The following SLC39A8 variants were observed in gnomAD, a reference collection of about 807,000 sequenced individuals.
The protein encoded by SLC39A8 is solute carrier family 39 member 8.
In SLC39A8, 15 loss-of-function variants were observed where a neutral mutation model predicts 40.4. The observed-to-expected ratio is 0.37, with a 90% CI of 0.25 to 0.57. The LOEUF (loss-of-function observed/expected upper bound fraction) is 0.57. Among genes scored for constraint, SLC39A8 ranks in the 20% least tolerant of loss-of-function variants. The pLI, the probability that SLC39A8 is intolerant of heterozygous loss-of-function variation, is 0.75. For missense variants in SLC39A8, 472 were observed against 558.8 expected, an observed-to-expected ratio of 0.84 and a Z score of 1.57; for synonymous variants, 223 against 221.6, an observed-to-expected ratio of 1.01 and a Z score of -0.06.
downstream of SLC39A8, among the ~76,000 whole-genome samples, chr4:102,259,893 A>G (rs534734843): frequency 1.7e-4 from 26 of 152,336 alleles, no homozygotes; most frequent in African/African-American, 5.8e-4. Flanking sequence ...CAGTAATCAG[A>G]AGAGCTTTAA....
intron 2 of SLC39A8, among the ~76,000 whole-genome samples, chr4:102,343,776 C>A (rs1367680653): frequency 6.6e-6 from 1 of 152,078 alleles, no homozygotes; most frequent in Admixed American, 6.5e-5. Flanking sequence ...CCTAGTAGTA[C>A]CCTGTTTATT....
At chr4:102,254,165 C>T (rs1237470682) in intron 11 of SLC39A8, among the ~76,000 whole-genome samples, 1 of 152,164 alleles carries the variant, frequency 6.6e-6, no homozygotes, top group Non-Finnish European at 1.5e-5. Flanking sequence ...ACTCCTCCTC[C>T]AACCTAAGGA....
intron 3 of SLC39A8, among the ~76,000 whole-genome samples, chr4:102,311,400 AAAG>A (rs1430063369): frequency 2.0e-5 from 3 of 152,124 alleles, no homozygotes; most frequent in African/African-American, 7.2e-5. Context: ...TACTCAGTGA[AAAG>A]AAGAACAAAC....
chr4:102,316,882 T>C (rs1245420680), intron 2 of SLC39A8, among the ~76,000 whole-genome samples: 1 of 152,118 alleles, frequency 6.6e-6, no homozygotes, highest in Non-Finnish European at 1.5e-5. Context: ...TCCAGTGGGA[T>C]TAGTGCACTT....
intron 6 of SLC39A8, among the ~76,000 whole-genome samples, chr4:102,287,157 C>T (rs375869297): frequency 2.7e-5 from 4 of 146,816 alleles, no homozygotes; most frequent in African/African-American, 1.1e-4. Context: ...ATTTATGTTC[C>T]TTTTTCAAGT....
intron 6 of SLC39A8, among the ~76,000 whole-genome samples, chr4:102,274,280 A>T (rs1352298835): frequency 6.6e-6 from 1 of 152,264 alleles, no homozygotes; most frequent in Non-Finnish European, 1.5e-5. Context: ...GTCGAAAAAC[A>T]CAGCACAAGA....
chr4:102,345,034 G>A, intron 1 of SLC39A8, 119 bp from the exon 2 acceptor site: 1 of 501,980 alleles, frequency 2.0e-6, no homozygotes, highest in Non-Finnish European at 2.7e-6. Context: ...GGGGCCAGAC[G>A]CCCCGGATCC....
chr4:102,314,388 C>T (rs1402860333), intron 3 of SLC39A8, among the ~76,000 whole-genome samples: 1 of 152,054 alleles, frequency 6.6e-6, no homozygotes, highest in African/African-American at 2.4e-5. Context: ...GCCCTTTTAA[C>T]AGATTTGAAT....
intron 11 of SLC39A8, among the ~76,000 whole-genome samples, chr4:102,253,589 C>A (rs1269448613): frequency 6.6e-6 from 1 of 151,998 alleles, no homozygotes; most frequent in Non-Finnish European, 1.5e-5. Flanking sequence ...AATTGGAAAG[C>A]ATTAAAAATA....
chr4:102,305,480 GA>G (rs1734128975), intron 4 of SLC39A8, among the ~76,000 whole-genome samples: 2 of 151,924 alleles, frequency 1.3e-5, no homozygotes, highest in South Asian at 4.1e-4. Flanking sequence ...GAAGATAAAT[GA>G]GATATTGATT....
At chr4:102,263,577 A>T (rs914241961) in intron 8 of SLC39A8, among the ~76,000 whole-genome samples, 1 of 152,170 alleles carries the variant, frequency 6.6e-6, no homozygotes, top group African/African-American at 2.4e-5. Flanking sequence ...GTTGCTAAAG[A>T]TGGGAGTGGC....
chr4:102,262,912 A>T lies in SLC39A8; in HGVS notation c.*132T>A. ...GACTATTTCACAGACTGATGCCAAT[A>T]ATTAGTTTTCTGGACCTACAGTTGA... On this transcript the variant is annotated 3_prime_UTR_variant, in exon 9 of 9. Transcript: ENST00000356736. 1 of 1,414,000 alleles carries T rather than the reference A, an allele frequency of 7.1e-7. No homozygotes were observed. The highest frequency in any genetic ancestry group is 9.2e-7 in the Non-Finnish European group (1 of 1,087,360). 87.6% of individuals were successfully genotyped at this position (1,414,000 alleles called of 1,614,324 possible).
chr4:102,263,294 C>T, intron 8 of SLC39A8, 101 bp from the exon 9 acceptor site: 1 of 991,334 alleles, frequency 1.0e-6, no homozygotes, highest in Non-Finnish European at 1.5e-6. Flanking sequence ...GGTTTGGTTC[C>T]AGACCAGTGT....
chr4:102,260,352 G>A (rs1731812995), downstream of SLC39A8, among the ~76,000 whole-genome samples: 1 of 152,208 alleles, frequency 6.6e-6, no homozygotes, highest in Admixed American at 6.5e-5. Context: ...AGCTTCTCCT[G>A]AAGATTGGTA....
chr4:102,275,996 G>A (rs1012277456), intron 6 of SLC39A8, among the ~76,000 whole-genome samples: 2 of 152,120 alleles, frequency 1.3e-5, no homozygotes, highest in Non-Finnish European at 2.9e-5. Context: ...GTGTTTAGAG[G>A]GAAACTTATA....
At chr4:102,326,356 T>G (rs978095816) in intron 2 of SLC39A8, among the ~76,000 whole-genome samples, 1 of 152,056 alleles carries the variant, frequency 6.6e-6, no homozygotes, top group African/African-American at 2.4e-5. Flanking sequence ...GGTCAGGAGA[T>G]CGAGACCATC....
chr4:102,262,228 C>G lies in SLC39A8; in HGVS notation c.*816G>C, dbSNP rs1449982283. On this transcript the variant is annotated 3_prime_UTR_variant, in exon 9 of 9. Transcript: ENST00000356736. ...ATTTCTTTCTCTAAACCAACATATT[C>G]TTCACCTTCACAAAGCAAACACATG... The G allele has an allele frequency of 7.1e-6, 7 of 985,810 alleles. No homozygotes were observed. The highest frequency in any genetic ancestry group is 6.0e-6 in the Non-Finnish European group (5 of 829,922). 61.1% of individuals were successfully genotyped at this position (985,810 alleles called of 1,614,324 possible).
chr4:102,337,226 C>T (rs1291326109), intron 2 of SLC39A8, among the ~76,000 whole-genome samples: 15 of 144,066 alleles, frequency 1.0e-4, no homozygotes. Context: ...AAGGAATTCA[C>T]TTTTCTCAAA....
intron 2 of SLC39A8, among the ~76,000 whole-genome samples, chr4:102,320,244 AATATATATATGAGT>A (rs1734869223): frequency 7.4e-6 from 1 of 135,620 alleles, no homozygotes; most frequent in Non-Finnish European, 1.5e-5. Context: ...TATATATGAG[AATATATATATGAGT>A]ATATATATGA....
Sources: gnomAD v4.1 joint callset for allele counts (sites outside exome capture counted in the v4.1 genomes callset) on GRCh38, gnomAD v4.1.1 for gene constraint, MANE v1.5 for transcripts, NCBI Gene and HGNC (gene_info 2026-07-23, HGNC 2026-07-21) for gene names.